Variants in MYOM3 observed in about 807,000 individuals in gnomAD.
MYOM3 encodes myomesin 3.
In MYOM3, 155 loss-of-function variants were observed where a neutral mutation model predicts 191.7. That is an observed-to-expected ratio of 0.81 (90% CI 0.71 to 0.92). The LOEUF (loss-of-function observed/expected upper bound fraction) is 0.92, where lower values mean the gene tolerates loss of function less well. MYOM3 is among the 40% of genes least tolerant of loss of function. The pLI is 0.00. For missense variants in MYOM3, 1,889 were observed against 1,890.6 expected (o/e 1.00, Z 0.02); for synonymous variants, 757 against 762.9 (o/e 0.99, Z 0.13).
intron 35 of MYOM3, among the ~76,000 whole-genome samples, chr1:24,059,309 A>G (rs189007735): frequency 6.6e-6 from 1 of 152,094 alleles, no homozygotes; most frequent in East Asian, 1.9e-4. Context: ...TAATTTTTGT[A>G]TGTTTTGTAG....
rs777349162 is a variant in MYOM3, at chr1:24,064,090, A to C, written c.3604T>G (p.Leu1202Val). 1 of 1,613,894 alleles carries C rather than the reference A, an allele frequency of 6.2e-7. No homozygotes were observed. Among genetic ancestry groups the C allele is most frequent in the African/African-American group, 1.3e-5 (1 of 74,908 alleles). ...CTCCTACCGTCACCCGTGAGGTCCA[A>C]TATGGTGTCGTCCTCCCCTCGATCG... ...SDDRGEDDTI[L>V]DLTGDALDAI... The change falls in exon 30 of 37, where the codon TTG becomes GTG. Residue 1202 changes from leucine to valine, a missense_variant. Physicochemically the swap from Leu to Val is conservative, Grantham distance 32 (BLOSUM62 1). Coordinates refer to ENST00000374434, the MANE Select transcript of MYOM3 (RefSeq NM_152372.4).
intron 27 of MYOM3, 36 bp downstream of exon 27, chr1:24,067,934 G>A (rs7542151): frequency 0.16 from 252,688 of 1,604,142 alleles, 24,571 homozygotes; most frequent in African/African-American, 0.39. Context: ...CGAACCAGTG[G>A]CCAGGGATTT....
At chr1:24,090,724 T>C (rs955124288) in intron 12 of MYOM3, 73 bp downstream of exon 12, 3 of 1,491,434 alleles carry the variant, frequency 2.0e-6, no homozygotes, top group African/African-American at 1.4e-5. Context: ...GGCTGGATTG[T>C]CTCCTGTGTG....
At chr1:24,109,909 A>G (rs1644024734) in intron 1 of MYOM3, among the ~76,000 whole-genome samples, 1 of 152,220 alleles carries the variant, frequency 6.6e-6, no homozygotes, top group Non-Finnish European at 1.5e-5. Context: ...CAATGTACAC[A>G]TCTCCTTTGC....
chr1:24,066,084 C>G (rs1233020550), intron 28 of MYOM3, 83 bp from the exon 29 acceptor site: 1 of 869,680 alleles, frequency 1.1e-6, no homozygotes, highest in East Asian at 2.4e-5. Flanking sequence ...TTTCAGGCAT[C>G]TCAGTGGAGT....
At position 24,086,799 on chromosome 1, in the gene MYOM3, G is replaced by A; in HGVS notation, c.1643C>T (p.Ala548Val). The A allele has an allele frequency of 6.2e-7, 1 of 1,614,136 alleles. No homozygotes were observed. The highest frequency in any genetic ancestry group is 1.1e-5 in the South Asian group (1 of 91,078). Reference protein sequence around the residue: ...KSVIGSGTWEAISSESPVRSP... With the variant: ...KSVIGSGTWEVISSESPVRSP... ...TCTCACAGGGCTTTCCGAGCTGATG[G>A]CCTCCCAGGTGCCACTACCTATGAC... The change falls in exon 15 of 37, where the codon GCC (alanine) becomes GTC (valine). Residue 548 changes from alanine (A) to valine (V), a missense_variant. Ala to Val is a moderately conservative substitution (Grantham distance 64, BLOSUM62 0). Transcript: ENST00000374434.
chr1:24,089,740 G>A (rs1643792595), intron 13 of MYOM3, 75 bp from the exon 14 acceptor site: 7 of 1,479,846 alleles, frequency 4.7e-6, no homozygotes, highest in Non-Finnish European at 5.4e-6. Flanking sequence ...TCATTCCATG[G>A]AAGAGGGAAC....
intron 16 of MYOM3, 167 bp from the exon 17 acceptor site, chr1:24,082,881 G>A: frequency 2.7e-6 from 2 of 738,452 alleles, no homozygotes; most frequent in Non-Finnish European, 4.1e-6. Context: ...CAATGCCTGA[G>A]ATGACACCGT....
chr1:24,059,312 T>A (rs1643340606), intron 35 of MYOM3, among the ~76,000 whole-genome samples: 1 of 152,166 alleles, frequency 6.6e-6, no homozygotes, highest in Non-Finnish European at 1.5e-5. Context: ...TTTTTGTATG[T>A]TTTGTAGAGA....
chr1:24,094,729 G>T, intron 9 of MYOM3, 124 bp downstream of exon 9: 1 of 958,234 alleles, frequency 1.0e-6, no homozygotes, highest in Non-Finnish European at 1.5e-6. Flanking sequence ...TGCCTCTTCA[G>T]CACTTTAGCA....
chr1:24,093,583 A>G (rs959724345), intron 9 of MYOM3, among the ~76,000 whole-genome samples: 1 of 151,210 alleles, frequency 6.6e-6, no homozygotes, highest in African/African-American at 2.4e-5. Flanking sequence ...TAAGGGAGTG[A>G]GGGCTCTCGG....
chr1:24,096,694 A>G (rs1461587426), intron 7 of MYOM3, among the ~76,000 whole-genome samples: 3 of 152,134 alleles, frequency 2.0e-5, no homozygotes, highest in Non-Finnish European at 4.4e-5. Context: ...CAGCTGCCTC[A>G]GGAGTGTGTG....
intron 9 of MYOM3, among the ~76,000 whole-genome samples, chr1:24,093,834 C>A (rs1483193795): frequency 6.6e-6 from 1 of 152,166 alleles, no homozygotes; most frequent in Non-Finnish European, 1.5e-5. Context: ...CAGGTGCAGC[C>A]TCCCTGGGCT....
chr1:24,081,948 TG>T, intron 18 of MYOM3, 52 bp downstream of exon 18: 1 of 1,514,710 alleles, frequency 6.6e-7, no homozygotes, highest in Non-Finnish European at 9.0e-7. Context: ...CAGTGCCCTC[TG>T]GTCGCTGCTA....
At chr1:24,076,682 T>A (rs1570865160) in intron 20 of MYOM3, among the ~76,000 whole-genome samples, 1 of 103,190 alleles carries the variant, frequency 9.7e-6, no homozygotes, top group East Asian at 3.0e-4. Flanking sequence ...CCCGGCTAAT[T>A]TTTTGTATTT....
chr1:24,057,328 G>A lies in MYOM3; in HGVS notation c.*36C>T. ...GTACAGGTTGTCCCTACTGGTCCAT[G>A]TAGACTAGACTCAGACTGTGCCTGG... On this transcript the variant is annotated 3_prime_UTR_variant, in exon 37 of 37. Transcript: ENST00000374434. 6.3e-7 allele frequency: 1 copy of A among 1,595,424 alleles called. No homozygotes were observed.
chr1:24,081,586 A>G lies in MYOM3; in HGVS notation c.2281-130T>C, dbSNP rs539287264. On this transcript the variant is annotated intron_variant, in intron 18 of 36. Transcript: ENST00000374434. ...TGCTTTTATTTTTATTTTTTGAGAC[A>G]TGGTCTCACTTTGTCACCCAGGCTG... 7.4e-6 allele frequency: 8 copies of G among 1,085,154 alleles called. No homozygotes were observed. In the East Asian group the frequency reaches 1.8e-4, roughly 24 times the overall value. The allele number at this position is 1,085,154 out of a possible 1,614,324, so 67.2% of individuals were successfully genotyped here.
intron 15 of MYOM3, 70 bp from the exon 16 acceptor site, chr1:24,084,709 G>A (rs1263058334): frequency 2.1e-6 from 3 of 1,406,762 alleles, no homozygotes; most frequent in Non-Finnish European, 2.9e-6. Flanking sequence ...GGGAAGGGGA[G>A]GAGCATGGGG....
chr1:24,108,543 G>GCTC lies in MYOM3; in HGVS notation c.91_93dup (p.Glu31dup). 1 of 1,579,652 alleles carries GCTC rather than the reference G, an allele frequency of 6.3e-7. No homozygotes were observed. The highest frequency in any genetic ancestry group is 1.7e-4 in the Middle Eastern group (1 of 6,012). On this transcript the variant is annotated inframe_insertion, in exon 2 of 37. Coordinates refer to ENST00000374434, the MANE Select transcript of MYOM3 (RefSeq NM_152372.4). ...AGGCTGTGCTGCCGCTCCTCCTTCT[G>GCTC]CTCCTCCTCCTGCCGGTGCTCCAGC...
Sources: allele counts gnomAD v4.1 joint callset (sites outside exome capture counted in the v4.1 genomes callset), GRCh38; gene constraint gnomAD v4.1.1; transcripts MANE v1.5; gene names NCBI Gene and HGNC (gene_info 2026-07-23, HGNC 2026-07-21).